The following UTRN variants were observed in gnomAD, a reference collection of about 807,000 sequenced individuals.
UTRN encodes utrophin.
Under a neutral mutation model 463.9 loss-of-function variants are expected in UTRN, and 283 were observed. That is an observed-to-expected ratio of 0.61 (90% CI 0.55 to 0.67). UTRN has a LOEUF of 0.67. UTRN is among the 30% of genes least tolerant of loss of function. UTRN has a pLI of 0.00. For synonymous variants in UTRN, 1,442 were observed against 1,431.5 expected (o/e 1.01, Z -0.17); for missense variants, 3,922 against 4,084.3 (o/e 0.96, Z 1.08).
intron 6 of UTRN, 27 bp from the exon 7 acceptor site, chr6:144,426,260 T>C: frequency 1.3e-6 from 2 of 1,596,760 alleles, no homozygotes; most frequent in Non-Finnish European, 8.5e-7. Context: ...GTATTAGTTA[T>C]GGACAGGCCT....
intron 52 of UTRN, among the ~76,000 whole-genome samples, chr6:144,690,908 G>T (rs552077283): frequency 6.6e-6 from 1 of 152,150 alleles, no homozygotes; most frequent in Non-Finnish European, 1.5e-5. Context: ...ACTGCAGCCT[G>T]CTGCTTCTTT....
At chr6:144,516,614 G>T (rs991821071) in intron 38 of UTRN, among the ~76,000 whole-genome samples, 197 bp from the exon 39 acceptor site, 1 of 151,612 alleles carries the variant, frequency 6.6e-6, no homozygotes, top group Admixed American at 6.6e-5. Context: ...TCTAATGTTT[G>T]CTAAACTCTC....
At chr6:144,598,942 C>T (rs1356007129) in intron 51 of UTRN, among the ~76,000 whole-genome samples, 1 of 152,098 alleles carries the variant, frequency 6.6e-6, no homozygotes, top group Non-Finnish European at 1.5e-5. Flanking sequence ...ATGAATATTG[C>T]TAGACTAGAA....
chr6:144,407,007 C>G (rs1783482705), intron 3 of UTRN, among the ~76,000 whole-genome samples: 1 of 151,898 alleles, frequency 6.6e-6, no homozygotes, highest in South Asian at 2.1e-4. Context: ...TGGCCAGCTC[C>G]TACCCCTTCC....
chr6:144,782,618 G>C (rs1775937438), intron 61 of UTRN, among the ~76,000 whole-genome samples: 2 of 141,666 alleles, frequency 1.4e-5, no homozygotes, highest in Admixed American at 6.9e-5. Context: ...TAGTGGTTAT[G>C]TGTGTGTGTA....
At chr6:144,776,592 C>G (rs1244778097) in intron 60 of UTRN, among the ~76,000 whole-genome samples, 1 of 152,140 alleles carries the variant, frequency 6.6e-6, no homozygotes, top group Non-Finnish European at 1.5e-5. Context: ...CAAAAGATTC[C>G]TGCTGCCCTC....
chr6:144,522,052 T>TA lies in UTRN; in HGVS notation c.5615dup (p.Tyr1872Ter). The TA allele has an allele frequency of 6.3e-7, 1 of 1,596,508 alleles. No individual in the cohort carries two copies. The highest frequency in any genetic ancestry group is 8.5e-7 in the Non-Finnish European group (1 of 1,172,798). ...GIRSSLLPTD[Y>*]LVEINKILLC... is the part of the protein sequence containing the mutation. Reference sequence around the variant, plus strand: ...TAGATCATCACTTCTTCCTACAGATTATCTGGTTGAAATTAACAAAATTTT... The same window carrying TA: ...TAGATCATCACTTCTTCCTACAGATTAATCTGGTTGAAATTAACAAAATTTT... Residue 1872 changes from tyrosine to a stop codon, truncating the protein, a stop_gained and frameshift_variant, in exon 40 of 75, where the codon TAT becomes TAAT. Transcript: ENST00000367545. LOFTEE classifies it high-confidence loss of function.
chr6:144,730,899 C>T (rs1300855049), intron 54 of UTRN, among the ~76,000 whole-genome samples: 1 of 151,026 alleles, frequency 6.6e-6, no homozygotes, highest in African/African-American at 2.4e-5. Context: ...TTGATAATGA[C>T]ACACCAAAGT....
At chr6:144,398,280 T>G in intron 2 of UTRN, 1 of 295,002 alleles carries the variant, frequency 3.4e-6, no homozygotes. Context: ...CATCATTGCC[T>G]TGGAGGCTTT....
chr6:144,742,111 A>G (rs959704629), intron 54 of UTRN, among the ~76,000 whole-genome samples: 3 of 152,150 alleles, frequency 2.0e-5, no homozygotes, highest in African/African-American at 7.2e-5. Flanking sequence ...AAAGAATTTG[A>G]GAAGTCCACT....
chr6:144,780,083 C>T (rs1273965298), intron 60 of UTRN, among the ~76,000 whole-genome samples: 2 of 152,090 alleles, frequency 1.3e-5, no homozygotes, highest in Admixed American at 1.3e-4. Context: ...CTAGCATGGA[C>T]ACATTTCATA....
intron 38 of UTRN, 64 bp downstream of exon 38, chr6:144,516,451 T>A: frequency 6.6e-7 from 1 of 1,514,074 alleles, no homozygotes; most frequent in Non-Finnish European, 8.9e-7. Context: ...ATTTCATTTT[T>A]ACATCAAGAT....
chr6:144,355,677 G>A (rs904409901), intron 2 of UTRN, among the ~76,000 whole-genome samples: 2 of 151,964 alleles, frequency 1.3e-5, no homozygotes, highest in African/African-American at 4.8e-5. Flanking sequence ...TTATAGAAAA[G>A]TTGCAAAGAT....
At chr6:144,520,216 C>T (rs1278530804) in intron 39 of UTRN, among the ~76,000 whole-genome samples, 1 of 152,108 alleles carries the variant, frequency 6.6e-6, no homozygotes, top group African/African-American at 2.4e-5. Flanking sequence ...TTTTCTTTTC[C>T]TTAAAGTTAA....
At chr6:144,661,663 G>A (rs1248337766) in intron 51 of UTRN, among the ~76,000 whole-genome samples, 1 of 152,086 alleles carries the variant, frequency 6.6e-6, no homozygotes, top group African/African-American at 2.4e-5. Context: ...AGATTTGTCT[G>A]TTTCTTCCTT....
At chr6:144,775,267 C>A (rs554746536) in intron 60 of UTRN, among the ~76,000 whole-genome samples, 2 of 151,738 alleles carry the variant, frequency 1.3e-5, no homozygotes. Context: ...GCTGGCTGCA[C>A]GAAGAATTGA....
intron 51 of UTRN, among the ~76,000 whole-genome samples, chr6:144,673,229 T>C (rs893146766): frequency 6.6e-6 from 1 of 152,170 alleles, no homozygotes; most frequent in Non-Finnish European, 1.5e-5. Flanking sequence ...TGTTTCTTTG[T>C]TGACTTTCTG....
chr6:144,638,667 CAA>C (rs1409277602), intron 51 of UTRN, among the ~76,000 whole-genome samples: 1 of 152,098 alleles, frequency 6.6e-6, no homozygotes, highest in African/African-American at 2.4e-5. Context: ...TTCAATTAAT[CAA>C]AGTTACTAAA....
At chr6:144,556,555 T>C (rs1178635136) in intron 49 of UTRN, among the ~76,000 whole-genome samples, 3 of 152,246 alleles carry the variant, frequency 2.0e-5, no homozygotes, top group Non-Finnish European at 4.4e-5. Flanking sequence ...AGTTGTCATT[T>C]AGATTTCATG....
Sources: gnomAD v4.1 joint callset for allele counts (sites outside exome capture counted in the v4.1 genomes callset) on GRCh38, gnomAD v4.1.1 for gene constraint, MANE v1.5 for transcripts, NCBI Gene and HGNC (gene_info 2026-07-23, HGNC 2026-07-21) for gene names.